The following OR9Q1 variants were observed in gnomAD, a reference collection of about 807,000 sequenced individuals.
OR9Q1 encodes olfactory receptor 9Q1.
For synonymous variants in OR9Q1, 153 were observed against 148.6 expected (o/e 1.03, Z -0.22); for missense variants, 374 against 378.8 (o/e 0.99, Z 0.11).
intron 1 of OR9Q1, chr11:58,044,739 A>C (rs1323747598): frequency 6.7e-6 from 1 of 148,168 alleles, no homozygotes; most frequent in Non-Finnish European, 1.5e-5. Flanking sequence ...GGTAAGAATA[A>C]GCTCTTCCGG....
At chr11:58,094,429 G>A (rs1276025017) in intron 2 of OR9Q1, among the ~76,000 whole-genome samples, 3 of 152,116 alleles carry the variant, frequency 2.0e-5, no homozygotes, top group Non-Finnish European at 4.4e-5. Context: ...TACCTTTTAA[G>A]TTTATATAAT....
At chr11:58,100,375 T>A (rs1853772080) in intron 2 of OR9Q1, among the ~76,000 whole-genome samples, 1 of 152,220 alleles carries the variant, frequency 6.6e-6, no homozygotes, top group African/African-American at 2.4e-5. Context: ...TGTAAAAACT[T>A]GCAATGGTAT....
At chr11:58,089,177 C>T (rs763476996) in intron 2 of OR9Q1, among the ~76,000 whole-genome samples, 1 of 151,468 alleles carries the variant, frequency 6.6e-6, no homozygotes, top group Non-Finnish European at 1.5e-5. Context: ...CATGCCCAGC[C>T]GTTGCAATTG....
intron 2 of OR9Q1, among the ~76,000 whole-genome samples, chr11:58,173,508 T>C (rs566143780): frequency 6.6e-6 from 1 of 152,092 alleles, no homozygotes; most frequent in East Asian, 1.9e-4. Context: ...GGTGTATATG[T>C]GCCACATTTT....
At chr11:58,031,132 CA>C in intron 1 of OR9Q1, 5 of 1,614,206 alleles carry the variant, frequency 3.1e-6, no homozygotes, top group Non-Finnish European at 4.2e-6. Context: ...TACGGAGACC[CA>C]TGTATTTCTT....
intron 2 of OR9Q1, among the ~76,000 whole-genome samples, chr11:58,088,033 G>A (rs1169387228): frequency 6.6e-6 from 1 of 151,736 alleles, no homozygotes; most frequent in Non-Finnish European, 1.5e-5. Flanking sequence ...GATTACAGGG[G>A]CACACCTGTA....
At chr11:58,099,504 T>G (rs1334760306) in intron 2 of OR9Q1, among the ~76,000 whole-genome samples, 2 of 152,020 alleles carry the variant, frequency 1.3e-5, no homozygotes, top group African/African-American at 4.8e-5. Context: ...AAAGTCTCTT[T>G]TGTCTAACAT....
At chr11:58,165,013 A>G (rs1055142715) in intron 2 of OR9Q1, among the ~76,000 whole-genome samples, 3 of 151,762 alleles carry the variant, frequency 2.0e-5, no homozygotes, top group African/African-American at 7.3e-5. Context: ...GAAAATAGCA[A>G]CCTCCTTAAC....
At chr11:58,155,429 G>T (rs965695614) in intron 2 of OR9Q1, among the ~76,000 whole-genome samples, 1 of 152,228 alleles carries the variant, frequency 6.6e-6, no homozygotes, top group African/African-American at 2.4e-5. Flanking sequence ...GTACCTTGAA[G>T]ATCGTGTGGT....
chr11:58,050,312 A>G (rs1473547341), intron 1 of OR9Q1, among the ~76,000 whole-genome samples: 1 of 144,524 alleles, frequency 6.9e-6, no homozygotes, highest in East Asian at 2.0e-4. Flanking sequence ...CAACTATCTG[A>G]TCTTTGACAA....
At chr11:58,118,706 C>T (rs1485181432) in intron 2 of OR9Q1, 1 of 1,614,054 alleles carries the variant, frequency 6.2e-7, no homozygotes, top group Admixed American at 1.7e-5. Flanking sequence ...AGGGCCACAG[C>T]AGTGATGTGA....
intron 1 of OR9Q1, among the ~76,000 whole-genome samples, chr11:58,036,796 T>A (rs557010356): frequency 6.6e-6 from 1 of 152,352 alleles, no homozygotes; most frequent in East Asian, 1.9e-4. Context: ...ACAAAACGAA[T>A]GGATGAAGAG....
intron 2 of OR9Q1, chr11:58,145,172 C>G (rs575378741): frequency 2.0e-5 from 3 of 152,346 alleles, no homozygotes; most frequent in African/African-American, 7.2e-5. Context: ...ATTCGTACAG[C>G]AGGTGGAAAG....
At chr11:58,112,488 C>T (rs1272502221) in intron 2 of OR9Q1, among the ~76,000 whole-genome samples, 6 of 151,836 alleles carry the variant, frequency 4.0e-5, no homozygotes, top group African/African-American at 9.7e-5. Flanking sequence ...ACCTTTTTTT[C>T]CTAGAAGGGC....
At chr11:58,097,054 G>A (rs1853739548) in intron 2 of OR9Q1, among the ~76,000 whole-genome samples, 1 of 152,106 alleles carries the variant, frequency 6.6e-6, no homozygotes, top group Non-Finnish European at 1.5e-5. Flanking sequence ...TGTTGCTCAG[G>A]TTGGTCTCAA....
chr11:58,031,345 T>C (rs201296641), intron 1 of OR9Q1: 119 of 1,614,094 alleles, frequency 7.4e-5, no homozygotes, highest in South Asian at 3.3e-5. Context: ...TGGCCATTTG[T>C]ATGCCTCTCC....
intron 1 of OR9Q1, among the ~76,000 whole-genome samples, chr11:58,053,614 T>TATATATATAAAAC (rs1228948706): frequency 9.6e-6 from 1 of 104,022 alleles, no homozygotes; most frequent in African/African-American, 3.2e-5. Context: ...AATTAAAAAA[T>TATATATATAAAAC]ATATATATAT....
chr11:58,132,464 G>T (rs1053528917), intron 2 of OR9Q1, among the ~76,000 whole-genome samples: 1 of 152,130 alleles, frequency 6.6e-6, no homozygotes, highest in African/African-American at 2.4e-5. Context: ...TACCCTATAG[G>T]ATTGTTGTAA....
chr11:58,129,055 T>G (rs11604473), intron 2 of OR9Q1, among the ~76,000 whole-genome samples: 1 of 152,196 alleles, frequency 6.6e-6, no homozygotes, highest in East Asian at 1.9e-4. Context: ...AAAATCTCAG[T>G]GCTTTAAAAC....
Sources: allele counts gnomAD v4.1 joint callset (sites outside exome capture counted in the v4.1 genomes callset), GRCh38; gene constraint gnomAD v4.1.1; transcripts MANE v1.5; gene names NCBI Gene and HGNC (gene_info 2026-07-23, HGNC 2026-07-21).